The following CEP112 variants were observed in gnomAD, a reference collection of about 807,000 sequenced individuals.
The protein encoded by CEP112 is centrosomal protein 112.
In CEP112, 127 loss-of-function variants were observed where a neutral mutation model predicts 153.0. The observed-to-expected ratio is 0.83, with a 90% CI of 0.72 to 0.96. The LOEUF (loss-of-function observed/expected upper bound fraction) is 0.96, where lower values mean the gene tolerates loss of function less well. Ranked by LOEUF, CEP112 falls within the 40% of genes least tolerant of loss-of-function variation. CEP112 has a pLI of 0.00. For synonymous variants in CEP112, 358 were observed against 374.4 expected (o/e 0.96, Z 0.51); for missense variants, 1,089 against 1,101.2 (o/e 0.99, Z 0.16).
chr17:66,154,022 T>C (rs1247679443), intron 4 of CEP112, among the ~76,000 whole-genome samples: 1 of 101,946 alleles, frequency 9.8e-6, no homozygotes, highest in Non-Finnish European at 2.1e-5. Flanking sequence ...AAAAAAAAAA[T>C]ACAAAAATCA....
intron 12 of CEP112, among the ~76,000 whole-genome samples, chr17:66,031,677 G>A (rs1368071207): frequency 6.6e-6 from 1 of 151,818 alleles, no homozygotes; most frequent in Non-Finnish European, 1.5e-5. Context: ...GGCCAGGCTG[G>A]TTTCAAACCC....
At chr17:66,016,919 C>T (rs2064800473) in intron 16 of CEP112, among the ~76,000 whole-genome samples, 1 of 152,160 alleles carries the variant, frequency 6.6e-6, no homozygotes, top group Non-Finnish European at 1.5e-5. Flanking sequence ...GTCCCTGTTC[C>T]TTCACAAACT....
chr17:66,151,378 A>T (rs1451984556), intron 4 of CEP112, among the ~76,000 whole-genome samples: 2 of 152,144 alleles, frequency 1.3e-5, no homozygotes, highest in South Asian at 2.1e-4. Flanking sequence ...TTATATGCTT[A>T]GTATTTGTTC....
chr17:66,154,602 C>T (rs559497436), intron 4 of CEP112, among the ~76,000 whole-genome samples: 2 of 152,094 alleles, frequency 1.3e-5, no homozygotes, highest in African/African-American at 2.4e-5. Flanking sequence ...ATGACCCCTA[C>T]CTCACTTCAT....
chr17:65,647,764 T>C (rs368335288), intron 24 of CEP112, among the ~76,000 whole-genome samples: 11 of 152,106 alleles, frequency 7.2e-5, no homozygotes, highest in African/African-American at 2.4e-4. Flanking sequence ...ATGATAGGCA[T>C]AAGCCACCAT....
intron 12 of CEP112, among the ~76,000 whole-genome samples, chr17:66,046,279 T>A (rs1055446829): frequency 6.6e-5 from 10 of 152,092 alleles, no homozygotes; most frequent in Non-Finnish European, 1.5e-4. Flanking sequence ...CCTGACCTTG[T>A]GATCTGCCCG....
At chr17:66,130,621 A>T (rs1422717092) in intron 5 of CEP112, among the ~76,000 whole-genome samples, 1 of 151,828 alleles carries the variant, frequency 6.6e-6, no homozygotes, top group East Asian at 1.9e-4. Flanking sequence ...TAAAAATACA[A>T]AAAAATTAGC....
intron 19 of CEP112, among the ~76,000 whole-genome samples, chr17:65,902,544 T>A (rs1474605811): frequency 6.6e-6 from 1 of 151,970 alleles, no homozygotes; most frequent in Non-Finnish European, 1.5e-5. Flanking sequence ...ATTCAGTAAA[T>A]CCTTCTTCAA....
chr17:65,710,850 C>G (rs1164368457), intron 23 of CEP112, among the ~76,000 whole-genome samples: 1 of 152,194 alleles, frequency 6.6e-6, no homozygotes, highest in Non-Finnish European at 1.5e-5. Flanking sequence ...TGCTGTTGGT[C>G]TTTTCTGTCA....
intron 16 of CEP112, among the ~76,000 whole-genome samples, chr17:66,014,428 G>C (rs924408510): frequency 2.6e-5 from 4 of 152,166 alleles, no homozygotes; most frequent in Non-Finnish European, 5.9e-5. Flanking sequence ...GCTCTGTTCA[G>C]GTTCAACAAT....
chr17:66,155,773 C>T (rs1048662635), intron 4 of CEP112, among the ~76,000 whole-genome samples: 3 of 152,314 alleles, frequency 2.0e-5, no homozygotes, highest in East Asian at 1.9e-4. Flanking sequence ...TGGGCAAGTT[C>T]GAACTGGGCA....
In CEP112 at chr17:66,053,888, G is replaced by A. The variant is rs750006278; in HGVS notation, c.1075-9C>T. On this transcript the variant is annotated splice_polypyrimidine_tract_variant and intron_variant, in intron 11 of 26. Transcript: ENST00000535342. ...GCTACAGCATTGTGAAGCTACATCA[G>A]GAAATCAAGAGTTGACTCTTTTACT... is the stretch of plus-strand genomic sequence containing the variant. 143 of 1,606,866 alleles carry A rather than the reference G, an allele frequency of 8.9e-5. No individual in the cohort carries two copies. Among genetic ancestry groups the A allele is most frequent in the Admixed American group, 1.5e-4 (9 of 59,382 alleles).
chr17:66,166,223 T>G (rs762458010), intron 4 of CEP112, among the ~76,000 whole-genome samples: 1 of 152,192 alleles, frequency 6.6e-6, no homozygotes, highest in Admixed American at 6.5e-5. Flanking sequence ...AAATGCCTTC[T>G]TTTTCATCAA....
At position 66,096,601 on chromosome 17, in the gene CEP112, G is replaced by C. The variant is rs1415353513; in HGVS notation, c.674C>G (p.Pro225Arg). The change falls in exon 7 of 27, where the codon CCT becomes CGT. Residue 225 changes from proline to arginine, a missense_variant. Transcript: ENST00000535342. ...CTCACATACCAGAGAAACTGGGATA[G>C]GCTTCTGTCTCAGGTATCGAGGATT... Reference protein sequence around the residue: ...IENPRYLRQKPIPVSLMTPKF... With the variant: ...IENPRYLRQKRIPVSLMTPKF... 6.3e-7 allele frequency: 1 copy of C among 1,594,814 alleles called. No individual in the cohort carries two copies. The highest frequency in any genetic ancestry group is 2.2e-5 in the East Asian group (1 of 44,684).
chr17:66,130,504 A>G (rs757481740), intron 5 of CEP112, among the ~76,000 whole-genome samples: 10 of 152,214 alleles, frequency 6.6e-5, no homozygotes, highest in Admixed American at 2.0e-4. Context: ...GGTTGGGCAC[A>G]GTGGCTCACA....
chr17:65,804,261 T>C (rs1357668113), intron 21 of CEP112: 2 of 152,160 alleles, frequency 1.3e-5, no homozygotes, highest in Non-Finnish European at 2.9e-5. Context: ...AGAAAATTTT[T>C]CTGAATTATT....
At chr17:66,181,546 G>A (rs1052002511) in intron 2 of CEP112, among the ~76,000 whole-genome samples, 1 of 151,796 alleles carries the variant, frequency 6.6e-6, no homozygotes, top group East Asian at 1.9e-4. Flanking sequence ...TAGTAGAGTC[G>A]GGCTTTCACC....
At chr17:65,804,318 T>C (rs1264548305) in intron 21 of CEP112, 1 of 152,164 alleles carries the variant, frequency 6.6e-6, no homozygotes, top group Non-Finnish European at 1.5e-5. Context: ...TCTATGTCTA[T>C]AAAGCTCTTT....
intron 6 of CEP112, among the ~76,000 whole-genome samples, chr17:66,114,240 T>C (rs909113636): frequency 2.6e-5 from 4 of 152,246 alleles, no homozygotes; most frequent in Non-Finnish European, 5.9e-5. Flanking sequence ...ATCTGAATAC[T>C]TTTTAATGAA....
Sources: allele counts gnomAD v4.1 joint callset (sites outside exome capture counted in the v4.1 genomes callset), GRCh38; gene constraint gnomAD v4.1.1; transcripts MANE v1.5; gene names NCBI Gene and HGNC (gene_info 2026-07-23, HGNC 2026-07-21).